BRSK2: variants seen among roughly 807,000 people sequenced by gnomAD.
BRSK2 encodes the protein BR serine/threonine kinase 2.
In BRSK2, 19 loss-of-function variants were observed where a neutral mutation model predicts 83.3. The observed-to-expected ratio is 0.23, with a 90% confidence interval of 0.16 to 0.33. BRSK2 has a LOEUF of 0.33. BRSK2 is among the 10% of genes least tolerant of loss of function. BRSK2 has a pLI of 1.00. For missense variants in BRSK2, 798 were observed against 1,042.3 expected (o/e 0.77, Z 3.23); for synonymous variants, 519 against 435.4 (o/e 1.19, Z -2.39).
chr11:1,403,188 TC>T (rs1348907130), intron 1 of BRSK2, among the ~76,000 whole-genome samples: 1 of 152,074 alleles, frequency 6.6e-6, no homozygotes, highest in Non-Finnish European at 1.5e-5. Flanking sequence ...ACGCTACCCT[TC>T]CCCTGGGGCA....
intron 5 of BRSK2, 62 bp from the exon 6 acceptor site, chr11:1,443,044 C>T (rs1851570855): frequency 1.5e-5 from 23 of 1,510,564 alleles, no homozygotes; most frequent in African/African-American, 5.5e-5. Context: ...TGCACCATCA[C>T]CCTGGGGGGA....
rs199919405 is a variant in BRSK2, at chr11:1,445,661, C to T, written c.1068C>T (p.Asn356=). The change falls in exon 11 of 20, where the codon AAC becomes AAT. Residue 356 remains asparagine (N), a synonymous_variant. Transcript: ENST00000528841. The stretch of plus-strand genomic sequence containing the variant: ...AGGATGAGGACCTGCCCCCCCGGAA[C>T]GAGATAGGTATGGGTCCAGGGGTGG... ...SQEDEDLPPR[N]EIDPPRKRVD... The T allele has an allele frequency of 1.2e-4, 193 of 1,603,032 alleles. No individual in the cohort carries two copies. The highest frequency in any genetic ancestry group is 1.4e-4 in the Admixed American group (8 of 58,400).
In BRSK2 at chr11:1,454,741, C is replaced by G. The variant is rs1846265847; in HGVS notation, c.1668+133C>G. On this transcript the variant is annotated intron_variant, in intron 16 of 19. Coordinates refer to ENST00000528841, the MANE Select transcript of BRSK2 (RefSeq NM_001256627.2). The surrounding 1 kb of genome is among the most constrained non-coding windows in gnomAD (Gnocchi z 5.2). ...CACGGACGTCCGCTCACCCGTGGGC[C>G]TGCCTGGCCGCCTTCACTGGACAGG... 8.2e-7 allele frequency: 1 copy of G among 1,223,280 alleles called. No homozygotes were observed. The highest frequency in any genetic ancestry group is 1.5e-5 in the African/African-American group (1 of 66,240). The allele number at this position is 1,223,280 out of a possible 1,614,324, so 75.8% of individuals were successfully genotyped here.
At position 1,438,590 on chromosome 11, in the gene BRSK2, C is replaced by T. The variant is rs374912190; in HGVS notation, c.272+199C>T. ...GCTGCTGTGGTCTCTGCTTCTGGAC[C>T]AAACCGGAGACCTGGTCTGTGGAGG... On this transcript the variant is annotated intron_variant, in intron 3 of 19. Transcript: ENST00000528841. The surrounding 1 kb of genome is among the most constrained non-coding windows in gnomAD (Gnocchi z 6.4). 3.5e-4 allele frequency among the ~76,000 whole-genome samples: 53 copies of T among 152,264 alleles called. No individual in the cohort carries two copies. Among genetic ancestry groups the T allele is most frequent in the African/African-American group, 1.2e-3 (49 of 41,548 alleles).
Position 1,407,457 on chromosome 11 carries a change from C to A in BRSK2, c.91+17082C>A, listed in dbSNP as rs1846969362. On this transcript the variant is annotated intron_variant, in intron 1 of 19. Coordinates refer to ENST00000528841, the MANE Select transcript of BRSK2 (RefSeq NM_001256627.2). ...CACCCGTCTTCCTGCACGGGCCTCC[C>A]CTCCGAGGCCCTTGTTCCTGCCGCC... 1.3e-5 allele frequency among the ~76,000 whole-genome samples: 2 copies of A among 152,150 alleles called. 1 individual carries two copies. The highest frequency in any genetic ancestry group is 4.1e-4 in the South Asian group (2 of 4,834).
At chr11:1,446,173 G>A (rs114133345) in intron 12 of BRSK2, among the ~76,000 whole-genome samples, 4,294 of 146,668 alleles carry the variant, frequency 0.029, 191 homozygotes, top group African/African-American at 0.093. Context: ...GGCTGGCCTG[G>A]GCTGGGCTGG....
intron 12 of BRSK2, among the ~76,000 whole-genome samples, chr11:1,449,238 A>T (rs1470861396): frequency 2.6e-5 from 4 of 152,286 alleles, no homozygotes; most frequent in East Asian, 3.9e-4. Context: ...CGTCCCTGCC[A>T]GCAGCTGCCC....
chr11:1,393,582 C>T (rs1258207752), intron 1 of BRSK2, among the ~76,000 whole-genome samples: 5 of 152,204 alleles, frequency 3.3e-5, no homozygotes, highest in African/African-American at 1.2e-4. Context: ...ACCTAGGCTG[C>T]CAGGGACCTG....
At chr11:1,416,025 G>A (rs1159358978) in intron 1 of BRSK2, among the ~76,000 whole-genome samples, 2 of 152,264 alleles carry the variant, frequency 1.3e-5, no homozygotes, top group Admixed American at 1.3e-4. Context: ...GCTGAACCAA[G>A]TTCATTAGTG....
intron 1 of BRSK2, among the ~76,000 whole-genome samples, chr11:1,397,325 C>T (rs947100521): frequency 1.3e-5 from 2 of 152,154 alleles, no homozygotes; most frequent in Non-Finnish European, 2.9e-5. Context: ...ACGGATTGTG[C>T]CAAGCCGGCT....
At chr11:1,451,330 C>T (rs752648151) in intron 14 of BRSK2, 41 bp from the exon 15 acceptor site, 15 of 1,610,252 alleles carry the variant, frequency 9.3e-6, no homozygotes, top group Middle Eastern at 1.6e-4. Context: ...AAGGATGGAG[C>T]GGTCACCACG....
At chr11:1,403,058 G>A (rs956788918) in intron 1 of BRSK2, among the ~76,000 whole-genome samples, 5 of 152,296 alleles carry the variant, frequency 3.3e-5, no homozygotes, top group Admixed American at 2.0e-4. Flanking sequence ...CCACCACGGG[G>A]TAGGTGCCTG....
Position 1,445,910 on chromosome 11 carries a change from G to A in BRSK2, c.1226+3G>A, listed in dbSNP as rs1851985985. 1 of 1,603,002 alleles carries A rather than the reference G, an allele frequency of 6.2e-7. No individual in the cohort carries two copies. The highest frequency in any genetic ancestry group is 8.5e-7 in the Non-Finnish European group (1 of 1,174,004). ...GAGATGGCCCAGCACGGCCAGAGGT[G>A]TGTGTGCCCCGAGGCTGCTGGGCCT... On this transcript the variant is annotated splice_donor_region_variant and intron_variant, in intron 12 of 19. Transcript: ENST00000528841.
chr11:1,447,498 T>C (rs1852313283), intron 12 of BRSK2, among the ~76,000 whole-genome samples: 1 of 152,106 alleles, frequency 6.6e-6, no homozygotes, highest in African/African-American at 2.4e-5. Flanking sequence ...CAGATTCCAC[T>C]CCTGGTGGGG....
intron 1 of BRSK2, among the ~76,000 whole-genome samples, chr11:1,396,575 C>T (rs1271004852): frequency 2.6e-5 from 4 of 152,336 alleles, no homozygotes; most frequent in South Asian, 2.1e-4. Flanking sequence ...GCCTCCCCGT[C>T]GGCCACTGGC....
chr11:1,402,832 C>T (rs61867619), intron 1 of BRSK2, among the ~76,000 whole-genome samples: 6 of 152,152 alleles, frequency 3.9e-5, no homozygotes, highest in South Asian at 2.1e-4. Flanking sequence ...GAGGCGGGAG[C>T]GGCGCTGAGC....
chr11:1,396,848 A>G (rs1846158794), intron 1 of BRSK2, among the ~76,000 whole-genome samples: 1 of 152,230 alleles, frequency 6.6e-6, no homozygotes, highest in Non-Finnish European at 1.5e-5. Flanking sequence ...ATCACTGTGC[A>G]GTTCTGGGCC....
At chr11:1,449,101 G>A (rs551107889) in intron 12 of BRSK2, among the ~76,000 whole-genome samples, 10 of 152,234 alleles carry the variant, frequency 6.6e-5, no homozygotes, top group Non-Finnish European at 8.8e-5. Context: ...ACGCACAGCC[G>A]TCCTGGTCCC....
chr11:1,428,910 C>T (rs1849566132), intron 1 of BRSK2, among the ~76,000 whole-genome samples: 1 of 143,416 alleles, frequency 7.0e-6, no homozygotes. Flanking sequence ...GCACTGGGTG[C>T]TTGTGTGCAC....
Sources: allele counts gnomAD v4.1 joint callset (sites outside exome capture counted in the v4.1 genomes callset), GRCh38; gene constraint gnomAD v4.1.1; non-coding constraint Gnocchi (gnomAD v3.1); transcripts MANE v1.5; gene names NCBI Gene and HGNC (gene_info 2026-07-23, HGNC 2026-07-21).